Variants in RTN1 observed in about 807,000 individuals in gnomAD.
RTN1 encodes the protein reticulon-1.
In RTN1, 25 loss-of-function variants were observed where a neutral mutation model predicts 65.5. The observed-to-expected ratio is 0.38, with a 90% CI of 0.28 to 0.53. The LOEUF is 0.53. Ranked by LOEUF, RTN1 falls within the 20% of genes least tolerant of loss-of-function variation. RTN1 has a pLI of 0.79. For missense variants in RTN1, 983 were observed against 1,025.4 expected (o/e 0.96, Z 0.57); for synonymous variants, 471 against 447.6 (o/e 1.05, Z -0.66).
chr14:59,668,359 T>C (rs1883426327), intron 3 of RTN1, among the ~76,000 whole-genome samples: 1 of 152,180 alleles, frequency 6.6e-6, no homozygotes, highest in Non-Finnish European at 1.5e-5. Context: ...GGGACAGGAT[T>C]CCCTATTTAA....
intron 1 of RTN1, among the ~76,000 whole-genome samples, chr14:59,831,201 G>A (rs991236381): frequency 3.3e-5 from 5 of 152,196 alleles, no homozygotes; most frequent in African/African-American, 1.2e-4. Flanking sequence ...CCAGATACTT[G>A]CTCAGACATT....
At chr14:59,665,301 A>T (rs1193297756) in intron 3 of RTN1, among the ~76,000 whole-genome samples, 1 of 152,188 alleles carries the variant, frequency 6.6e-6, no homozygotes, top group Non-Finnish European at 1.5e-5. Context: ...ATTCTTAAAG[A>T]AAAGAATTTT....
intron 1 of RTN1, among the ~76,000 whole-genome samples, chr14:59,819,752 C>G (rs1412180030): frequency 6.6e-6 from 1 of 152,138 alleles, no homozygotes; most frequent in African/African-American, 2.4e-5. Flanking sequence ...AATTCGAGCA[C>G]TGCGCGGGGA....
intron 3 of RTN1, among the ~76,000 whole-genome samples, chr14:59,664,247 C>T (rs1196993547): frequency 2.6e-5 from 4 of 152,014 alleles, no homozygotes; most frequent in African/African-American, 4.8e-5. Context: ...TGTTCTCACT[C>T]ATAAGTGGGA....
At chr14:59,730,401 A>C (rs1257217564) in intron 2 of RTN1, among the ~76,000 whole-genome samples, 1 of 152,246 alleles carries the variant, frequency 6.6e-6, no homozygotes, top group Non-Finnish European at 1.5e-5. Flanking sequence ...CCTAAATATA[A>C]GAGCTAAAAT....
At chr14:59,671,944 C>A (rs1285530735) in intron 3 of RTN1, among the ~76,000 whole-genome samples, 1 of 152,240 alleles carries the variant, frequency 6.6e-6, no homozygotes, top group East Asian at 1.9e-4. Context: ...ATATTTCTGA[C>A]ATCTAGTTCC....
intron 3 of RTN1, among the ~76,000 whole-genome samples, chr14:59,666,153 A>G (rs1010864378): frequency 3.3e-5 from 5 of 152,196 alleles, no homozygotes; most frequent in African/African-American, 1.2e-4. Flanking sequence ...TCTCAGCATC[A>G]CATCACACTT....
At chr14:59,783,753 T>C (rs758215323) in intron 1 of RTN1, among the ~76,000 whole-genome samples, 1 of 152,190 alleles carries the variant, frequency 6.6e-6, no homozygotes, top group Non-Finnish European at 1.5e-5. Context: ...TGAGGGTTCC[T>C]TTCTTTGAGG....
rs868348084 is a variant in RTN1 at position 59,749,132 on chromosome 14, C to A, written c.242-2651G>T. 1.5e-3 allele frequency among the ~76,000 whole-genome samples: 16 copies of A among 10,368 alleles called. 3 individuals carry two copies. Among genetic ancestry groups the A allele is most frequent in the African/African-American group, 4.3e-3 (15 of 3,474 alleles). 6.8% of individuals were successfully genotyped at this position (10,368 alleles called of 152,430 possible). ...TATATATATATATATATAGATATAT[C>A]TATATCTATCTATCTATCTATCTAT... On this transcript the variant is annotated intron_variant, in intron 1 of 8. Transcript: ENST00000267484.
At chr14:59,655,915 C>T (rs774132107) in intron 3 of RTN1, among the ~76,000 whole-genome samples, 1 of 152,128 alleles carries the variant, frequency 6.6e-6, no homozygotes, top group Non-Finnish European at 1.5e-5. Flanking sequence ...ATCTTCAAGA[C>T]CCACACAAAA....
rs1287868873 is a variant in RTN1 at position 59,849,360 on chromosome 14, A to G, written c.241+21030T>C. Among the ~76,000 whole-genome samples, 6 of 152,178 alleles carry G rather than the reference A, an allele frequency of 3.9e-5. 1 individual carries two copies. Among genetic ancestry groups the G allele is most frequent in the Non-Finnish European group, 7.3e-5 (5 of 68,034 alleles). On this transcript the variant is annotated intron_variant, in intron 1 of 8. Transcript: ENST00000267484. The surrounding 1 kb of genome is among the most constrained non-coding windows in gnomAD (Gnocchi z 4.5). ...ATAGAGTACATTTTCATATTTGAGC[A>G]TGGTAAAAGAAAAACCAATTAACTC... is the stretch of plus-strand genomic sequence containing the variant.
Position 59,780,027 on chromosome 14 carries a change from A to G in RTN1, c.242-33546T>C, listed in dbSNP as rs560780768. Among the ~76,000 whole-genome samples the G allele has an allele frequency of 3.9e-5, 6 of 152,246 alleles. No homozygotes were observed. In the East Asian group the frequency reaches 9.7e-4, roughly 25 times the overall value. ...AAAGAAAAATCATAGATCACTCAAC[A>G]CTAATTGGTATTTCCTGCACATTCT... On this transcript the variant is annotated intron_variant, in intron 1 of 8. Transcript: ENST00000267484.
chr14:59,747,974 C>G (rs375937498), intron 1 of RTN1, among the ~76,000 whole-genome samples: 1 of 152,160 alleles, frequency 6.6e-6, no homozygotes. Context: ...ATGTGTCAGG[C>G]ATTGTTCTAA....
chr14:59,759,921 C>T (rs61169949), intron 1 of RTN1, among the ~76,000 whole-genome samples: 3,798 of 152,234 alleles, frequency 0.025, 154 homozygotes, highest in African/African-American at 0.086. Context: ...GAGTACAATA[C>T]GCCATAACCC....
intron 1 of RTN1, among the ~76,000 whole-genome samples, chr14:59,830,235 G>A (rs1000761927): frequency 6.6e-6 from 1 of 152,224 alleles, no homozygotes; most frequent in African/African-American, 2.4e-5. Context: ...CATCGGATAT[G>A]AATCTGAATT....
chr14:59,622,846 G>T (rs189926763), intron 3 of RTN1, among the ~76,000 whole-genome samples: 6 of 152,238 alleles, frequency 3.9e-5, no homozygotes, highest in African/African-American at 1.4e-4. Context: ...CTGCTGGCAC[G>T]GACTTCTGCT....
chr14:59,697,698 G>C (rs1020643095), intron 3 of RTN1, among the ~76,000 whole-genome samples: 1 of 152,080 alleles, frequency 6.6e-6, no homozygotes, highest in African/African-American at 2.4e-5. Context: ...AAAATATATA[G>C]CTTATTCCTA....
intron 3 of RTN1, among the ~76,000 whole-genome samples, chr14:59,674,972 A>G (rs953175977): frequency 6.6e-6 from 1 of 152,046 alleles, no homozygotes; most frequent in Non-Finnish European, 1.5e-5. Flanking sequence ...GCCAGCACCT[A>G]TCTCCTCTAG....
chr14:59,685,826 T>A (rs1265356330), intron 3 of RTN1, among the ~76,000 whole-genome samples: 1 of 152,168 alleles, frequency 6.6e-6, no homozygotes, highest in Non-Finnish European at 1.5e-5. Flanking sequence ...ACCAGAAATC[T>A]GTGTGTGACC....
Sources: gnomAD v4.1 joint callset for allele counts (sites outside exome capture counted in the v4.1 genomes callset) on GRCh38, gnomAD v4.1.1 for gene constraint, Gnocchi (gnomAD v3.1) non-coding constraint, MANE v1.5 for transcripts, NCBI Gene and HGNC (gene_info 2026-07-23, HGNC 2026-07-21) for gene names.